FAH: variants seen among roughly 807,000 people sequenced by gnomAD.
The protein encoded by FAH is fumarylacetoacetase.
Under a neutral mutation model 55.8 loss-of-function variants are expected in FAH, and 47 were observed. The ratio of observed to expected loss-of-function variants is 0.84; its 90% confidence interval spans 0.67 to 1.07. The LOEUF (loss-of-function observed/expected upper bound fraction) is 1.07. Among genes scored for constraint, FAH ranks in the 50% least tolerant of loss-of-function variants. The pLI is 0.00. For synonymous variants in FAH, 199 were observed against 207.7 expected, an observed-to-expected ratio of 0.96 and a Z score of 0.36; for missense variants, 495 against 545.9, an observed-to-expected ratio of 0.91 and a Z score of 0.93.
At chr15:80,165,153 G>A (rs1201596425) in intron 5 of FAH, among the ~76,000 whole-genome samples, 3 of 152,240 alleles carry the variant, frequency 2.0e-5, no homozygotes, top group Admixed American at 2.0e-4. Flanking sequence ...AGCACTTTGG[G>A]AGGCTGAGGT....
At chr15:80,176,790 A>T (rs1317557349) in intron 10 of FAH, among the ~76,000 whole-genome samples, 1 of 152,232 alleles carries the variant, frequency 6.6e-6, no homozygotes, top group South Asian at 2.1e-4. Flanking sequence ...GGACAAGATT[A>T]TCCAGAAAGC....
rs537244341 is a variant in FAH, at chr15:80,182,684, G to A, written c.1180+1525G>A. ...ATCATTGCCCCCATTTTGCAGAGTC[G>A]AAAACTTAGGCTGATAGAAGGCAGG... On this transcript the variant is annotated intron_variant, in intron 13 of 13. Transcript: ENST00000561421. 2.1e-3 allele frequency among the ~76,000 whole-genome samples: 313 copies of A among 152,228 alleles called. 2 individuals carry two copies. The highest frequency in any genetic ancestry group is 3.6e-3 in the Non-Finnish European group (248 of 68,014).
chr15:80,174,965 T>G (rs1595895376), intron 9 of FAH, 51 bp from the exon 10 acceptor site: 66 of 1,549,738 alleles, frequency 4.3e-5, no homozygotes, highest in Middle Eastern at 1.8e-4. Flanking sequence ...CCCAGCCGGG[T>G]GAGCTCAGCC....
intron 1 of FAH, chr15:80,155,989 C>T: frequency 4.3e-6 from 2 of 468,688 alleles, no homozygotes; most frequent in South Asian, 3.1e-5. Flanking sequence ...CATTGAAGCA[C>T]AGCACCACAG....
intron 13 of FAH, among the ~76,000 whole-genome samples, chr15:80,185,811 G>A (rs758079436): frequency 6.6e-6 from 1 of 152,138 alleles, no homozygotes. Context: ...TGGGAATTAT[G>A]GGAGCTATAA....
At position 80,162,894 on chromosome 15, in the gene FAH, A is replaced by G. The variant is rs1055494514; in HGVS notation, c.455+558A>G. 6.2e-5 allele frequency: 12 copies of G among 194,684 alleles called. No individual in the cohort carries two copies. In the South Asian group the frequency reaches 1.1e-3, roughly 18 times the overall value. 12.1% of individuals were successfully genotyped at this position (194,684 alleles called of 1,614,324 possible). On this transcript the variant is annotated intron_variant, in intron 5 of 13. Transcript: ENST00000561421. ...CCACAGCCTGTCTCCCAGCCCCCAG[A>G]TCAGGCCATTGACCAAGCTGAGGAT...
At chr15:80,177,825 G>A (rs1163604566) in intron 11 of FAH, among the ~76,000 whole-genome samples, 7 of 152,202 alleles carry the variant, frequency 4.6e-5, no homozygotes, top group Non-Finnish European at 1.0e-4. Context: ...TTCCTGTAAA[G>A]GTCTAGTTCC....
Position 80,172,587 on chromosome 15 carries a change from A to G in FAH, c.706+339A>G, listed in dbSNP as rs143590053. Among the ~76,000 whole-genome samples the G allele has an allele frequency of 1.4e-3, 207 of 152,322 alleles. 1 individual carries two copies. The highest frequency in any genetic ancestry group is 4.7e-3 in the African/African-American group (197 of 41,574). ...GTGCAATATTATCTTCCCATTTTAC[A>G]GATGAGGAACTGAGGCACAGGGAGA... On this transcript the variant is annotated intron_variant, in intron 8 of 13. Coordinates refer to ENST00000561421, the MANE Select transcript of FAH (RefSeq NM_000137.4).
intron 13 of FAH, among the ~76,000 whole-genome samples, chr15:80,185,642 T>C (rs1456205211): frequency 6.6e-6 from 1 of 152,194 alleles, no homozygotes; most frequent in Non-Finnish European, 1.5e-5. Flanking sequence ...AAGGCATGTC[T>C]TACATGGTGG....
intron 9 of FAH, among the ~76,000 whole-genome samples, chr15:80,174,481 C>T (rs149702392): frequency 1.9e-4 from 29 of 152,336 alleles, no homozygotes; most frequent in Admixed American, 3.3e-4. Flanking sequence ...TCACCAAAAA[C>T]GATCTCATGT....
chr15:80,164,630 T>C (rs1420869015), intron 5 of FAH, among the ~76,000 whole-genome samples: 1 of 152,156 alleles, frequency 6.6e-6, no homozygotes, highest in Non-Finnish European at 1.5e-5. Context: ...CAAAAAATAT[T>C]AGACTCCAGA....
At chr15:80,155,974 G>A (rs1019971804) in intron 1 of FAH, 6 of 474,780 alleles carry the variant, frequency 1.3e-5, no homozygotes, top group African/African-American at 3.9e-5. Flanking sequence ...GACAAGGAGC[G>A]TGACCATTGA....
intron 7 of FAH, 67 bp from the exon 8 acceptor site, chr15:80,172,082 C>T: frequency 8.6e-7 from 1 of 1,160,418 alleles, no homozygotes; most frequent in Non-Finnish European, 1.3e-6. Flanking sequence ...GACCTTTGCT[C>T]TCTAGGTGAC....
At chr15:80,168,226 ACAG>A in intron 6 of FAH, 35 bp from the exon 7 acceptor site, 1 of 1,604,230 alleles carries the variant, frequency 6.2e-7, no homozygotes, top group Non-Finnish European at 8.5e-7. Context: ...GGCCTCACTC[ACAG>A]CACCGTTTTT....
In FAH at chr15:80,173,140, A is replaced by G. The variant is rs773134383; in HGVS notation, c.833A>G (p.Lys278Arg). The G allele has an allele frequency of 1.2e-6, 2 of 1,614,152 alleles. No individual in the cohort carries two copies. The highest frequency in any genetic ancestry group is 1.7e-6 in the Non-Finnish European group (2 of 1,180,034). The change falls in exon 9 of 14, where the codon AAG becomes AGG. Residue 278 changes from lysine (K) to arginine (R), a missense_variant. Transcript: ENST00000561421. ...ATGCCCTTTGCTGTGCCCAACCCGAAGCAGGTAAGCACATTCTCTGCAGGA... is the reference window on the plus strand; with the variant it reads ...ATGCCCTTTGCTGTGCCCAACCCGAGGCAGGTAAGCACATTCTCTGCAGGA... ...ALMPFAVPNP[K>R]QDPRPLPYLC... is the part of the protein sequence containing the mutation.
Position 80,153,001 on chromosome 15 carries a change from T to A in FAH, c.-54T>A. 1 of 1,525,632 alleles carries A rather than the reference T, an allele frequency of 6.6e-7. No individual in the cohort carries two copies. Among genetic ancestry groups the A allele is most frequent in the East Asian group, 2.2e-5 (1 of 44,466 alleles). 94.5% of individuals were successfully genotyped at this position (1,525,632 alleles called of 1,614,324 possible). A position where few individuals can be genotyped will look rare whatever the true frequency, so the allele number is the denominator to read the frequency against. ...GCCTGACCACAGCGGCCGAGTTCAG[T>A]CCTGCTCTCCGCACGCCACCTTAGG... On this transcript the variant is annotated 5_prime_UTR_variant, in exon 1 of 14. Transcript: ENST00000561421.
intron 1 of FAH, chr15:80,156,037 T>A: frequency 2.7e-6 from 1 of 374,798 alleles, no homozygotes; most frequent in East Asian, 7.2e-5. Flanking sequence ...CGGGCAGGCC[T>A]GGATAATATC....
At chr15:80,173,291 T>A (rs2041257033) in intron 9 of FAH, 147 bp downstream of exon 9, 1 of 1,050,942 alleles carries the variant, frequency 9.5e-7, no homozygotes, top group Non-Finnish European at 1.5e-6. Flanking sequence ...GCCTGGGAGT[T>A]CCTGGCCACG....
chr15:80,173,185 G>T, intron 9 of FAH, 41 bp downstream of exon 9: 1 of 1,613,982 alleles, frequency 6.2e-7, no homozygotes, highest in South Asian at 1.1e-5. Context: ...ACCCAGCCCT[G>T]CTGCCTCTGA....
Sources: gnomAD v4.1 joint callset for allele counts (sites outside exome capture counted in the v4.1 genomes callset) on GRCh38, gnomAD v4.1.1 for gene constraint, MANE v1.5 for transcripts, NCBI Gene and HGNC (gene_info 2026-07-23, HGNC 2026-07-21) for gene names.